Variants in ABLIM1 observed in about 807,000 individuals in gnomAD.
ABLIM1 encodes actin binding LIM protein 1, also known as actin-binding LIM protein 1.
Under a neutral mutation model 107.0 loss-of-function variants are expected in ABLIM1, and 40 were observed. The observed-to-expected ratio is 0.37, with a 90% CI of 0.29 to 0.49. The LOEUF (loss-of-function observed/expected upper bound fraction) is 0.49. Among genes scored for constraint, ABLIM1 ranks in the 20% least tolerant of loss-of-function variants. ABLIM1 has a pLI of 0.97. For missense variants in ABLIM1, 857 were observed against 1,008.5 expected (o/e 0.85, Z 2.04); for synonymous variants, 357 against 357.3 (o/e 1.00, Z 0.01).
At chr10:114,504,121 T>A (rs1300098329) in intron 6 of ABLIM1, among the ~76,000 whole-genome samples, 1 of 152,236 alleles carries the variant, frequency 6.6e-6, no homozygotes, top group Non-Finnish European at 1.5e-5. Context: ...GTTTGAGGAC[T>A]TTGGCGGTGG....
At chr10:114,615,060 A>AG (rs1480986684) in intron 1 of ABLIM1, among the ~76,000 whole-genome samples, 16 of 151,584 alleles carry the variant, frequency 1.1e-4, no homozygotes, top group African/African-American at 3.9e-4. Flanking sequence ...CAAAAAAAAA[A>AG]AAAGAAAGAA....
intron 1 of ABLIM1, among the ~76,000 whole-genome samples, chr10:114,750,284 T>C (rs2082482122): frequency 6.6e-6 from 1 of 152,232 alleles, no homozygotes; most frequent in Non-Finnish European, 1.5e-5. Context: ...CACTATGGTC[T>C]TTGACAGTCT....
chr10:114,585,356 G>A (rs2074068044), intron 2 of ABLIM1, among the ~76,000 whole-genome samples: 1 of 152,050 alleles, frequency 6.6e-6, no homozygotes, highest in Non-Finnish European at 1.5e-5. Context: ...AGGCACAAGA[G>A]ACAGCCCCAG....
Position 114,465,809 on chromosome 10 carries a change from C to A in ABLIM1, c.1330G>T (p.Asp444Tyr). 3 of 1,614,092 alleles carry A rather than the reference C, an allele frequency of 1.9e-6. No individual in the cohort carries two copies. The highest frequency in any genetic ancestry group is 2.5e-6 in the Non-Finnish European group (3 of 1,180,012). Residue 444 changes from aspartate to tyrosine, a missense_variant, in exon 12 of 23, where the codon GAT becomes TAT. Transcript: ENST00000533213. ...CTCGTGGACCGATGGATCATCCGAT[C>A]CCGAACATCCTGGTACCCCTGGAAA... ...PSAEGYQDVRDRMIHRSTSQG... is the reference protein window; with the variant it reads ...PSAEGYQDVRYRMIHRSTSQG...
intron 1 of ABLIM1, among the ~76,000 whole-genome samples, chr10:114,648,524 G>C (rs1448519300): frequency 2.0e-5 from 3 of 152,172 alleles, no homozygotes; most frequent in Non-Finnish European, 4.4e-5. Flanking sequence ...AGCAGCTGAG[G>C]AATGTGAGTC....
intron 1 of ABLIM1, among the ~76,000 whole-genome samples, chr10:114,765,228 G>A (rs1255496336): frequency 2.0e-5 from 3 of 151,614 alleles, no homozygotes; most frequent in African/African-American, 4.9e-5. Context: ...TGTATTTTTA[G>A]TAGAGATGGG....
chr10:114,672,211 T>A (rs973585645), intron 1 of ABLIM1, among the ~76,000 whole-genome samples: 2 of 151,938 alleles, frequency 1.3e-5, no homozygotes, highest in South Asian at 2.1e-4. Context: ...TTTTATTTTT[T>A]ATTTTTTTAG....
intron 1 of ABLIM1, among the ~76,000 whole-genome samples, chr10:114,749,225 G>A (rs1345931857): frequency 6.6e-6 from 1 of 152,002 alleles, no homozygotes; most frequent in Non-Finnish European, 1.5e-5. Flanking sequence ...GAAAAGGAAG[G>A]GGTTTGCCTT....
At chr10:114,738,032 T>G in intron 1 of ABLIM1, among the ~76,000 whole-genome samples, 1 of 152,204 alleles carries the variant, frequency 6.6e-6, no homozygotes, top group South Asian at 2.1e-4. Context: ...GTGAAATTTG[T>G]GATATATAAA....
chr10:114,683,193 C>T (rs2080819344), intron 1 of ABLIM1, among the ~76,000 whole-genome samples: 1 of 152,284 alleles, frequency 6.6e-6, no homozygotes, highest in Middle Eastern at 3.4e-3. Context: ...TTAGAAAGAA[C>T]AGGGGAGGGC....
chr10:114,744,395 C>T (rs762995768), intron 1 of ABLIM1, among the ~76,000 whole-genome samples: 5 of 152,092 alleles, frequency 3.3e-5, no homozygotes, highest in South Asian at 4.2e-4. Context: ...CTGATACGAC[C>T]GGAAAAATGC....
At chr10:114,762,954 T>A (rs2082783464) in intron 1 of ABLIM1, among the ~76,000 whole-genome samples, 1 of 152,202 alleles carries the variant, frequency 6.6e-6, no homozygotes, top group Non-Finnish European at 1.5e-5. Flanking sequence ...TTTGTGGAAG[T>A]TCCGAAAACA....
intron 4 of ABLIM1, among the ~76,000 whole-genome samples, chr10:114,561,133 G>A (rs536805537): frequency 7.2e-5 from 11 of 152,260 alleles, no homozygotes; most frequent in South Asian, 2.1e-4. Flanking sequence ...TTAACCTGGC[G>A]AAGAGGTTTA....
rs181184858 is a variant in ABLIM1, at chr10:114,657,908, G to T, written c.244+49C>A. ...ATCTGGATAGTACTCTCTTAATTAC[G>T]CCAATCACAAAACACAAAACCATGT... On this transcript the variant is annotated intron_variant, in intron 1 of 22. Coordinates refer to ENST00000533213, the MANE Select transcript of ABLIM1 (RefSeq NM_002313.7). The T allele has an allele frequency of 9.2e-5, 135 of 1,470,198 alleles. 1 individual carries two copies. In the African/African-American group the frequency reaches 1.7e-3, roughly 19 times the overall value. The allele number at this position is 1,470,198 out of a possible 1,614,324, so 91.1% of individuals were successfully genotyped here.
intron 1 of ABLIM1, among the ~76,000 whole-genome samples, chr10:114,700,053 C>T (rs1035617852): frequency 7.2e-5 from 11 of 152,138 alleles, no homozygotes; most frequent in African/African-American, 2.4e-4. Flanking sequence ...CCCACCTCAG[C>T]CTCCCAAGTT....
At chr10:114,583,293 CACA>C (rs148770223) in intron 2 of ABLIM1, among the ~76,000 whole-genome samples, 2,228 of 149,572 alleles carry the variant, frequency 0.015, 48 homozygotes, top group African/African-American at 0.052. Context: ...AAATCAAAAC[CACA>C]ACAAGATACC....
intron 3 of ABLIM1, among the ~76,000 whole-genome samples, chr10:114,574,345 A>G (rs2138908026): frequency 6.6e-6 from 1 of 152,350 alleles, no homozygotes. Context: ...TATAACATGC[A>G]GACCTCAAAA....
chr10:114,524,329 A>G (rs1395738700), intron 6 of ABLIM1, among the ~76,000 whole-genome samples: 1 of 152,252 alleles, frequency 6.6e-6, no homozygotes, highest in Non-Finnish European at 1.5e-5. Context: ...CTAAAGGTGT[A>G]AGAAAAATTT....
chr10:114,607,034 T>C (rs1160751846), intron 1 of ABLIM1, among the ~76,000 whole-genome samples: 1 of 152,124 alleles, frequency 6.6e-6, no homozygotes, highest in African/African-American at 2.4e-5. Context: ...CTCCTTTTTC[T>C]CAGATTACTG....
Sources: gnomAD v4.1 joint callset for allele counts (sites outside exome capture counted in the v4.1 genomes callset) on GRCh38, gnomAD v4.1.1 for gene constraint, MANE v1.5 for transcripts, NCBI Gene and HGNC (gene_info 2026-07-23, HGNC 2026-07-21) for gene names.